TNIP3: variants seen among roughly 807,000 people sequenced by gnomAD.
The protein encoded by TNIP3 is TNFAIP3 interacting protein 3, also known as TNFAIP3-interacting protein 3.
A neutral mutation model predicts 54.1 loss-of-function variants in TNIP3; 34 were observed. That is an observed-to-expected ratio of 0.63 (90% CI 0.48 to 0.84). The LOEUF is 0.84. Ranked by LOEUF, TNIP3 falls within the 40% of genes least tolerant of loss-of-function variation. The probability of loss-of-function intolerance (pLI) is 0.00; values close to 1 mark genes in which losing one functional copy is unlikely to be tolerated. For missense variants in TNIP3, 366 were observed against 387.6 expected (o/e 0.94, Z 0.47); for synonymous variants, 134 against 136.8 (o/e 0.98, Z 0.14).
At chr4:121,157,359 A>G (rs1375541600) in intron 3 of TNIP3, 116 bp from the exon 4 acceptor site, 1 of 1,343,190 alleles carries the variant, frequency 7.4e-7, no homozygotes, top group East Asian at 2.3e-5. Flanking sequence ...ACGTCCCCTA[A>G]GGAGAGGTTC....
intron 2 of TNIP3, among the ~76,000 whole-genome samples, chr4:121,201,981 G>T (rs566351756): frequency 6.6e-6 from 1 of 152,198 alleles, no homozygotes; most frequent in Non-Finnish European, 1.5e-5. Context: ...TGACCATACT[G>T]CCAAAAGCAA....
At chr4:121,197,729 T>A (rs929277016) in intron 2 of TNIP3, among the ~76,000 whole-genome samples, 1 of 152,086 alleles carries the variant, frequency 6.6e-6, no homozygotes, top group African/African-American at 2.4e-5. Flanking sequence ...TCTGAAGCAA[T>A]TTGGGGGCAA....
chr4:121,172,859 T>C (rs1202316410), intron 3 of TNIP3, among the ~76,000 whole-genome samples: 1 of 152,198 alleles, frequency 6.6e-6, no homozygotes, highest in Non-Finnish European at 1.5e-5. Context: ...AAGGACAAGC[T>C]AGAGGTCCTA....
At chr4:121,195,421 G>C (rs955592965) in intron 2 of TNIP3, among the ~76,000 whole-genome samples, 1 of 152,156 alleles carries the variant, frequency 6.6e-6, no homozygotes, top group African/African-American at 2.4e-5. Context: ...GGCTAGAAAA[G>C]TTATAAAACC....
intron 2 of TNIP3, among the ~76,000 whole-genome samples, chr4:121,194,482 T>C (rs2148835113): frequency 6.6e-6 from 1 of 152,320 alleles, no homozygotes; most frequent in Non-Finnish European, 1.5e-5. Context: ...AAATCTTTCT[T>C]GGGGTTTACG....
rs767647397 is a variant in TNIP3 at position 121,182,761 on chromosome 4, T to G, written c.104A>C (p.Asp35Ala). ...AGGAGACGCATTTCTCTCAATCAGA[T>G]CCTGGATTTTTTTGTCCAGCTCCAT... Residue 35 changes from aspartate (D) to alanine (A), a missense_variant, in exon 3 of 13, where the codon GAT becomes GCT. By Grantham distance (126) the Asp-to-Ala change is moderately radical. Transcript: ENST00000507879. 39 of 1,534,088 alleles carry G rather than the reference T, an allele frequency of 2.5e-5. No homozygotes were observed. In the South Asian group the frequency reaches 4.4e-4, roughly 17 times the overall value.
rs552602034 is a variant in TNIP3, at chr4:121,147,703, G to A, written c.610-529C>T. ...CTGTTGACTGAAGGTTAGCAGACTG[G>A]TATATAAAGCTATGAAAACAAATGA... On this transcript the variant is annotated intron_variant, in intron 6 of 10. Transcript: ENST00000057513. Among the ~76,000 whole-genome samples the A allele has an allele frequency of 2.6e-5, 4 of 152,262 alleles. No individual in the cohort carries two copies. In the South Asian group the frequency reaches 6.2e-4, roughly 24 times the overall value.
At chr4:121,179,310 T>C (rs1026619754) in intron 3 of TNIP3, among the ~76,000 whole-genome samples, 1 of 152,264 alleles carries the variant, frequency 6.6e-6, no homozygotes, top group Non-Finnish European at 1.5e-5. Context: ...TTTTAAAATT[T>C]CTATGAGCCT....
At chr4:121,161,266 A>G (rs1320934954) in intron 1 of TNIP3, 50 bp from the exon 2 acceptor site, 32 of 1,477,166 alleles carry the variant, frequency 2.2e-5, no homozygotes, top group Non-Finnish European at 2.2e-5. Flanking sequence ...TTTACAAAAT[A>G]AACAGAAGTA....
At chr4:121,156,016 T>C (rs1730063067) in intron 4 of TNIP3, among the ~76,000 whole-genome samples, 5 of 152,146 alleles carry the variant, frequency 3.3e-5, no homozygotes, top group Admixed American at 2.6e-4. Context: ...CCAACTGCAT[T>C]GAGGGAAAAA....
At chr4:121,143,811 A>C (rs1400933741) in intron 7 of TNIP3, among the ~76,000 whole-genome samples, 1 of 152,220 alleles carries the variant, frequency 6.6e-6, no homozygotes, top group Admixed American at 6.5e-5. Context: ...GTACTATAAC[A>C]TGTCTTAATG....
At chr4:121,159,036 A>C (rs1001874146) in intron 2 of TNIP3, among the ~76,000 whole-genome samples, 1 of 152,212 alleles carries the variant, frequency 6.6e-6, no homozygotes, top group Non-Finnish European at 1.5e-5. Flanking sequence ...TGAGGTCAAG[A>C]GTTGGTGACC....
chr4:121,152,762 G>A (rs1196958684), intron 5 of TNIP3, among the ~76,000 whole-genome samples: 1 of 152,110 alleles, frequency 6.6e-6, no homozygotes, highest in Non-Finnish European at 1.5e-5. Context: ...CATAATATAT[G>A]AAAATGTGTT....
chr4:121,171,864 G>T lies in TNIP3; in HGVS notation c.190-7718C>A, dbSNP rs1270937286. ...TCCTGCCTCAGCCTCCCAAGTAGTTGGGACTACAGGCATGAACCACCACGC... is the reference window on the plus strand; with the variant it reads ...TCCTGCCTCAGCCTCCCAAGTAGTTTGGACTACAGGCATGAACCACCACGC... On this transcript the variant is annotated intron_variant, in intron 3 of 12. Coordinates refer to the TNIP3 transcript ENST00000507879. Among the ~76,000 whole-genome samples, 4 of 152,116 alleles carry T rather than the reference G, an allele frequency of 2.6e-5. No homozygotes were observed. In the East Asian group the frequency reaches 7.7e-4, roughly 29 times the overall value.
chr4:121,139,528 T>C (rs1374556501), intron 9 of TNIP3, among the ~76,000 whole-genome samples: 1 of 152,138 alleles, frequency 6.6e-6, no homozygotes, highest in African/African-American at 2.4e-5. Context: ...GAATATAGAT[T>C]TTTTTGTTGT....
At chr4:121,175,623 C>T (rs1307741196) in intron 3 of TNIP3, among the ~76,000 whole-genome samples, 1 of 152,178 alleles carries the variant, frequency 6.6e-6, no homozygotes, top group African/African-American at 2.4e-5. Context: ...TTTTGTGGAA[C>T]ATGGGACAAA....
At chr4:121,202,715 C>G (rs1725960457) in intron 2 of TNIP3, among the ~76,000 whole-genome samples, 1 of 152,052 alleles carries the variant, frequency 6.6e-6, no homozygotes, top group Admixed American at 6.6e-5. Context: ...CTACAAGGAA[C>G]TCAAAGAAAT....
chr4:121,226,151 G>T (rs1727246020), intron 1 of TNIP3, among the ~76,000 whole-genome samples: 1 of 92,560 alleles, frequency 1.1e-5, no homozygotes, highest in South Asian at 5.8e-4. Context: ...CACAGTGAGA[G>T]ATCAAGACAA....
At chr4:121,222,469 A>G (rs1727069975) in intron 1 of TNIP3, among the ~76,000 whole-genome samples, 1 of 152,068 alleles carries the variant, frequency 6.6e-6, no homozygotes, top group Admixed American at 6.6e-5. Flanking sequence ...TTATTTAAAT[A>G]CTCTGAGCCC....
Sources: allele counts gnomAD v4.1 joint callset (sites outside exome capture counted in the v4.1 genomes callset), GRCh38; gene constraint gnomAD v4.1.1; transcripts MANE v1.5; gene names NCBI Gene and HGNC (gene_info 2026-07-23, HGNC 2026-07-21).